CDC42BPA: variants seen among roughly 807,000 people sequenced by gnomAD.
CDC42BPA encodes serine/threonine-protein kinase MRCK alpha.
In CDC42BPA, 80 loss-of-function variants were observed where a neutral mutation model predicts 223.5. The observed-to-expected ratio is 0.36, with a 90% CI of 0.30 to 0.43. The LOEUF is 0.43. Ranked by LOEUF, CDC42BPA falls within the 20% of genes least tolerant of loss-of-function variation. CDC42BPA has a pLI of 1.00. For missense variants in CDC42BPA, 1,743 were observed against 2,099.9 expected, an observed-to-expected ratio of 0.83 and a Z score of 3.32; for synonymous variants, 694 against 718.6, an observed-to-expected ratio of 0.97 and a Z score of 0.55.
At chr1:227,054,373 T>C (rs1296975454) in intron 21 of CDC42BPA, among the ~76,000 whole-genome samples, 2 of 152,206 alleles carry the variant, frequency 1.3e-5, no homozygotes, top group African/African-American at 4.8e-5. Flanking sequence ...CTGACAGAAG[T>C]TGGGCATACT....
chr1:227,199,465 A>G (rs1210650640), intron 4 of CDC42BPA, 92 bp downstream of exon 4: 1 of 762,174 alleles, frequency 1.3e-6, no homozygotes, highest in African/African-American at 1.8e-5. Flanking sequence ...AATTTTCTAT[A>G]TGAAACCTAC....
intron 2 of CDC42BPA, among the ~76,000 whole-genome samples, chr1:227,227,217 G>GA (rs1417393196): frequency 6.6e-6 from 1 of 151,778 alleles, no homozygotes; most frequent in Non-Finnish European, 1.5e-5. Context: ...GAAAAAGAAA[G>GA]AAAAAAACAT....
intron 5 of CDC42BPA, among the ~76,000 whole-genome samples, chr1:227,180,965 A>C (rs7529461): frequency 0.68 from 103,755 of 151,538 alleles, 35,717 homozygotes; most frequent in South Asian, 0.73. Context: ...TATTTGGCAT[A>C]AACTTTAATC....
At chr1:227,278,837 T>G (rs1173296947) in intron 1 of CDC42BPA, among the ~76,000 whole-genome samples, 1 of 152,196 alleles carries the variant, frequency 6.6e-6, no homozygotes, top group African/African-American at 2.4e-5. Context: ...AATATCAGTA[T>G]GTCTGACATT....
intron 10 of CDC42BPA, among the ~76,000 whole-genome samples, chr1:227,137,145 G>A (rs1658732972): frequency 6.6e-6 from 1 of 152,054 alleles, no homozygotes; most frequent in South Asian, 2.1e-4. Flanking sequence ...TTGTGAAGTA[G>A]TAACATACAA....
intron 32 of CDC42BPA, among the ~76,000 whole-genome samples, chr1:227,022,803 A>G (rs1244228794): frequency 6.6e-6 from 1 of 151,628 alleles, no homozygotes; most frequent in Non-Finnish European, 1.5e-5. Context: ...CACTCCCATG[A>G]CTCTCCTCTC....
At chr1:227,014,069 C>T (rs17528667) in intron 34 of CDC42BPA, among the ~76,000 whole-genome samples, 59,899 of 151,624 alleles carry the variant, frequency 0.4, 12,219 homozygotes, top group Non-Finnish European at 0.46. Flanking sequence ...TATAGTTATG[C>T]TATGTTTACT....
chr1:227,171,065 A>C (rs939842140), intron 5 of CDC42BPA, among the ~76,000 whole-genome samples: 36 of 152,334 alleles, frequency 2.4e-4, no homozygotes, highest in African/African-American at 8.2e-4. Context: ...ATTGTCAATA[A>C]AAGGAGTGAA....
At chr1:227,050,219 A>G (rs1324640428) in intron 22 of CDC42BPA, among the ~76,000 whole-genome samples, 1 of 152,188 alleles carries the variant, frequency 6.6e-6, no homozygotes, top group Non-Finnish European at 1.5e-5. Flanking sequence ...AATGGTCAAT[A>G]AACATACAAA....
intron 1 of CDC42BPA, among the ~76,000 whole-genome samples, chr1:227,282,590 T>C (rs1688185486): frequency 6.6e-6 from 1 of 152,190 alleles, no homozygotes; most frequent in South Asian, 2.1e-4. Flanking sequence ...TAAATGCAGA[T>C]AAATAATTTT....
chr1:227,212,889 T>C (rs1674179595), intron 3 of CDC42BPA, among the ~76,000 whole-genome samples: 1 of 152,176 alleles, frequency 6.6e-6, no homozygotes, highest in Non-Finnish European at 1.5e-5. Context: ...ATCCTTTAAA[T>C]ATAGCTGCAT....
intron 3 of CDC42BPA, among the ~76,000 whole-genome samples, chr1:227,207,219 G>T (rs1289221418): frequency 1.3e-5 from 2 of 150,488 alleles, no homozygotes; most frequent in Non-Finnish European, 3.0e-5. Flanking sequence ...TGCTGAGAAT[G>T]ATGGTTTCCA....
chr1:227,131,509 T>C (rs1657099996), intron 10 of CDC42BPA, among the ~76,000 whole-genome samples: 1 of 152,224 alleles, frequency 6.6e-6, no homozygotes, highest in Non-Finnish European at 1.5e-5. Flanking sequence ...TCTGGATATG[T>C]GCAGATATGA....
chr1:227,006,847 G>C (rs903614241), intron 34 of CDC42BPA, among the ~76,000 whole-genome samples: 21 of 152,118 alleles, frequency 1.4e-4, no homozygotes, highest in African/African-American at 4.6e-4. Context: ...TGAGGCAGGA[G>C]AATCACTTGA....
chr1:227,245,904 T>G (rs771737140), intron 2 of CDC42BPA, among the ~76,000 whole-genome samples: 1 of 152,066 alleles, frequency 6.6e-6, no homozygotes, highest in Non-Finnish European at 1.5e-5. Context: ...TGGTGGCCAC[T>G]GTGAAAGACT....
chr1:227,129,100 G>A lies in CDC42BPA; in HGVS notation c.1513+9C>T, dbSNP rs373333767. On this transcript the variant is annotated intron_variant, in intron 11 of 36. Transcript: ENST00000366766. ...TAAATTGAATTAACAGTGAATCACA[G>A]ATATTTACCTGTTACTTGTTTTCTT... 3.6e-6 allele frequency: 5 copies of A among 1,382,630 alleles called. No individual in the cohort carries two copies. Among genetic ancestry groups the A allele is most frequent in the Non-Finnish European group, 5.1e-6 (5 of 988,274 alleles). 85.6% of individuals were successfully genotyped at this position (1,382,630 alleles called of 1,614,324 possible). A position where few individuals can be genotyped will look rare whatever the true frequency, so the allele number is the denominator to read the frequency against.
At chr1:227,228,562 T>C (rs1677260580) in intron 2 of CDC42BPA, among the ~76,000 whole-genome samples, 1 of 152,246 alleles carries the variant, frequency 6.6e-6, no homozygotes, top group South Asian at 2.1e-4. Flanking sequence ...GTAGAATTGC[T>C]GGATCATATG....
At position 227,130,966 on chromosome 1, in the gene CDC42BPA, G is replaced by A. The variant is rs1054205486; in HGVS notation, c.1391-1735C>T. Among the ~76,000 whole-genome samples, 6 of 152,208 alleles carry A rather than the reference G, an allele frequency of 3.9e-5. No homozygotes were observed. In the East Asian group the frequency reaches 7.7e-4, roughly 20 times the overall value. Reference sequence around the variant, plus strand: ...GTATGAAGGTGGGGCAGGCATCCTCGCTCATTATTGCCACCTCTTTCCTCA... The same window carrying A: ...GTATGAAGGTGGGGCAGGCATCCTCACTCATTATTGCCACCTCTTTCCTCA... On this transcript the variant is annotated intron_variant, in intron 10 of 36. Transcript: ENST00000366766.
chr1:227,100,875 C>A (rs1008749278), intron 15 of CDC42BPA, 117 bp downstream of exon 15: 17 of 640,846 alleles, frequency 2.7e-5, no homozygotes, highest in Non-Finnish European at 4.1e-5. Context: ...ATCTGCCAAT[C>A]CTGACTTTGG....
Sources: gnomAD v4.1 joint callset for allele counts (sites outside exome capture counted in the v4.1 genomes callset) on GRCh38, gnomAD v4.1.1 for gene constraint, MANE v1.5 for transcripts, NCBI Gene and HGNC (gene_info 2026-07-23, HGNC 2026-07-21) for gene names.